KIF1B: variants seen among roughly 807,000 people sequenced by gnomAD.
KIF1B encodes kinesin family member 1B.
A neutral mutation model predicts 241.9 loss-of-function variants in KIF1B; 76 were observed. The ratio of observed to expected loss-of-function variants is 0.31; its 90% CI spans 0.26 to 0.38. The LOEUF (loss-of-function observed/expected upper bound fraction) is 0.38. KIF1B is among the 10% of genes least tolerant of loss of function. KIF1B has a pLI of 1.00. For synonymous variants in KIF1B, 750 were observed against 796.7 expected, an observed-to-expected ratio of 0.94 and a Z score of 0.99; for missense variants, 1,622 against 2,271.4, an observed-to-expected ratio of 0.71 and a Z score of 5.81.
At chr1:10,288,285 G>A (rs193046732) in intron 15 of KIF1B, among the ~76,000 whole-genome samples, 1 of 152,240 alleles carries the variant, frequency 6.6e-6, no homozygotes, top group African/African-American at 2.4e-5. Context: ...TAACTTTTGT[G>A]GTGCTTTATA....
At position 10,337,478 on chromosome 1, in the gene KIF1B, G is replaced by T; in HGVS notation, c.3367G>T (p.Val1123Leu). 3 of 1,614,186 alleles carry T rather than the reference G, an allele frequency of 1.9e-6. No individual in the cohort carries two copies. Among genetic ancestry groups the T allele is most frequent in the Non-Finnish European group, 2.5e-6 (3 of 1,180,038 alleles). The change falls in exon 31 of 49, where the codon GTG (valine) becomes TTG (leucine). Residue 1123 changes from valine (V) to leucine (L), a missense_variant. Coordinates refer to ENST00000676179, the MANE Select transcript of KIF1B (RefSeq NM_001365951.3). This position sits in a 1 kb window ranked among gnomAD's most constrained non-coding sequence, Gnocchi z 4.0. The part of the protein sequence containing the change: ...LGSAFTFRVT[V>L]LQASGILPEY... ...CAGTGCCTTCACTTTCCGAGTAACA[G>T]TGTTGCAGGCCAGTGGAATCCTCCC...
rs368514074 is a variant in KIF1B at position 10,378,128 on chromosome 1, C to T, written c.*1541C>T. Reference sequence around the variant, plus strand: ...TATACTCATAAATAAGCAAATGTGGCAGGCTTTGCTTTCTGGATCCCAGGA... The same window carrying T: ...TATACTCATAAATAAGCAAATGTGGTAGGCTTTGCTTTCTGGATCCCAGGA... On this transcript the variant is annotated 3_prime_UTR_variant, in exon 49 of 49. Coordinates refer to ENST00000676179, the MANE Select transcript of KIF1B (RefSeq NM_001365951.3). The T allele has an allele frequency of 6.5e-5, 38 of 583,114 alleles. No individual in the cohort carries two copies. Among genetic ancestry groups the T allele is most frequent in the African/African-American group, 4.3e-4 (23 of 53,696 alleles). The allele number at this position is 583,114 out of a possible 1,614,324, so 36.1% of individuals were successfully genotyped here. A position where few individuals can be genotyped will look rare whatever the true frequency, so the allele number is the denominator to read the frequency against.
At chr1:10,277,740 T>C (rs552277921) in intron 12 of KIF1B, among the ~76,000 whole-genome samples, 1 of 152,218 alleles carries the variant, frequency 6.6e-6, no homozygotes, top group Non-Finnish European at 1.5e-5. Flanking sequence ...CACTATACAG[T>C]CTCATAAGTT....
At chr1:10,274,404 A>T (rs926926299) in intron 10 of KIF1B, among the ~76,000 whole-genome samples, 9 of 152,210 alleles carry the variant, frequency 5.9e-5, no homozygotes, top group African/African-American at 2.2e-4. Flanking sequence ...GTCCTGTGGT[A>T]ATAAGAAGGA....
intron 1 of KIF1B, among the ~76,000 whole-genome samples, chr1:10,223,888 G>C (rs1646878047): frequency 6.6e-6 from 1 of 152,180 alleles, no homozygotes; most frequent in Non-Finnish European, 1.5e-5. Context: ...AAATATTTAG[G>C]TTTAGGTTGT....
At chr1:10,292,604 A>G (rs1238062503) in intron 17 of KIF1B, among the ~76,000 whole-genome samples, 1 of 152,212 alleles carries the variant, frequency 6.6e-6, no homozygotes, top group African/African-American at 2.4e-5. Flanking sequence ...AAGTAAAGCA[A>G]TTCCTGTCCC....
At chr1:10,332,501 A>ATTTTTTTTT (rs568393252) in intron 27 of KIF1B, among the ~76,000 whole-genome samples, 4 of 58,632 alleles carry the variant, frequency 6.8e-5, no homozygotes, top group African/African-American at 2.6e-4. Context: ...GATAATAGTC[A>ATTTTTTTTT]TTTTTTTTTT....
At chr1:10,251,099 G>A (rs534748400) in intron 2 of KIF1B, among the ~76,000 whole-genome samples, 2 of 151,862 alleles carry the variant, frequency 1.3e-5, no homozygotes, top group African/African-American at 2.4e-5. Context: ...CTAGGAGACA[G>A]CGGTTGCAGT....
In KIF1B at chr1:10,377,004, C is replaced by A. The variant is rs1032155826; in HGVS notation, c.*417C>A. 12 of 261,218 alleles carry A rather than the reference C, an allele frequency of 4.6e-5. No homozygotes were observed. The highest frequency in any genetic ancestry group is 2.6e-4 in the African/African-American group (12 of 46,366). The allele number at this position is 261,218 out of a possible 1,614,324, so 16.2% of individuals were successfully genotyped here. ...TGTCTGTGCTGCTGTCACCAGGCAC[C>A]TTTGTTTTTCAAGACAACATACTTT... On this transcript the variant is annotated 3_prime_UTR_variant, in exon 49 of 49. Coordinates refer to ENST00000676179, the MANE Select transcript of KIF1B (RefSeq NM_001365951.3).
At chr1:10,288,088 G>A (rs183610651) in intron 15 of KIF1B, among the ~76,000 whole-genome samples, 1 of 152,114 alleles carries the variant, frequency 6.6e-6, no homozygotes, top group Admixed American at 6.5e-5. Context: ...TCTTGTATTT[G>A]CCTATTTAAA....
intron 2 of KIF1B, 66 bp downstream of exon 2, chr1:10,232,500 GC>G: frequency 8.5e-7 from 1 of 1,179,702 alleles, no homozygotes; most frequent in Non-Finnish European, 1.3e-6. Context: ...CTGTCGTCTT[GC>G]TGTGTTCAGA....
At chr1:10,344,037 C>A (rs900187076) in intron 34 of KIF1B, among the ~76,000 whole-genome samples, 1 of 152,172 alleles carries the variant, frequency 6.6e-6, no homozygotes, top group Non-Finnish European at 1.5e-5. Context: ...ATTCCCACCC[C>A]ACCCTGTGCT....
intron 22 of KIF1B, among the ~76,000 whole-genome samples, chr1:10,298,054 C>T (rs1025528216): frequency 2.0e-5 from 3 of 152,160 alleles, no homozygotes; most frequent in Non-Finnish European, 4.4e-5. Flanking sequence ...TTTTTAAAGC[C>T]AACCAAACAA....
At chr1:10,219,979 G>T (rs1358483745) in intron 1 of KIF1B, among the ~76,000 whole-genome samples, 1 of 151,884 alleles carries the variant, frequency 6.6e-6, no homozygotes, top group African/African-American at 2.4e-5. Flanking sequence ...GAGGCAGGCG[G>T]ATCACCTGAG....
At chr1:10,273,259 A>G (rs1269254500) in intron 10 of KIF1B, among the ~76,000 whole-genome samples, 2 of 152,190 alleles carry the variant, frequency 1.3e-5, no homozygotes, top group Non-Finnish European at 1.5e-5. Flanking sequence ...AGGAATTAAG[A>G]ATAAAGGAAC....
At chr1:10,375,162 T>C in intron 47 of KIF1B, 93 bp from the exon 48 acceptor site, 1 of 1,470,888 alleles carries the variant, frequency 6.8e-7, no homozygotes, top group Non-Finnish European at 9.5e-7. Context: ...TGAACTTCCT[T>C]TGTGAAGTGC....
intron 44 of KIF1B, among the ~76,000 whole-genome samples, chr1:10,370,755 T>C (rs577481131): frequency 1.3e-5 from 2 of 152,078 alleles, no homozygotes; most frequent in South Asian, 2.1e-4. Context: ...ATTCCTGGTG[T>C]GGCACTTAGG....
At chr1:10,233,600 A>AATTATAT (rs1019145492) in intron 2 of KIF1B, among the ~76,000 whole-genome samples, 3 of 152,182 alleles carry the variant, frequency 2.0e-5, no homozygotes, top group African/African-American at 7.2e-5. Flanking sequence ...CAGTTCTGTG[A>AATTATAT]ATTATATCGT....
intron 38 of KIF1B, among the ~76,000 whole-genome samples, chr1:10,358,991 C>T (rs1445655014): frequency 1.3e-5 from 2 of 152,166 alleles, no homozygotes; most frequent in African/African-American, 4.8e-5. Context: ...GACCCACACT[C>T]ACTGCCTCAA....
Sources: allele counts gnomAD v4.1 joint callset (sites outside exome capture counted in the v4.1 genomes callset), GRCh38; gene constraint gnomAD v4.1.1; non-coding constraint Gnocchi (gnomAD v3.1); transcripts MANE v1.5; gene names NCBI Gene and HGNC (gene_info 2026-07-23, HGNC 2026-07-21).